SOBP: variants seen among roughly 807,000 people sequenced by gnomAD.
SOBP encodes the protein sine oculis binding protein homolog.
SOBP carries 4 observed loss-of-function variants against 53.6 expected under a neutral mutation model. The observed-to-expected ratio is 0.07, with a 90% CI of 0.04 to 0.17. The LOEUF (loss-of-function observed/expected upper bound fraction) is 0.17. SOBP is among the 10% of genes least tolerant of loss of function. SOBP has a pLI of 1.00. For missense variants in SOBP, 1,088 were observed against 1,204.7 expected (o/e 0.90, Z 1.43); for synonymous variants, 584 against 522.6 (o/e 1.12, Z -1.60).
In SOBP at chr6:107,529,595, C is replaced by T. The variant is rs958070551; in HGVS notation, c.422-3864C>T. The T allele has an allele frequency of 1.2e-5, 12 of 985,306 alleles. No homozygotes were observed. In the African/African-American group the frequency reaches 1.9e-4, roughly 16 times the overall value. The allele number at this position is 985,306 out of a possible 1,614,324, so 61.0% of individuals were successfully genotyped here. On this transcript the variant is annotated intron_variant, in intron 3 of 6. Transcript: ENST00000317357. The stretch of plus-strand genomic sequence containing the variant: ...AGTCCATTAATGCCCTACTGATTTT[C>T]TTTGGGCACTGGTCAGGTAAGTTAG...
At chr6:107,595,601 A>C (rs978759223) in intron 5 of SOBP, among the ~76,000 whole-genome samples, 4 of 152,172 alleles carry the variant, frequency 2.6e-5, no homozygotes, top group African/African-American at 9.7e-5. Flanking sequence ...ATCATATATC[A>C]AGCAAAACCA....
chr6:107,547,520 A>C (rs1784334924), intron 4 of SOBP, among the ~76,000 whole-genome samples: 1 of 152,236 alleles, frequency 6.6e-6, no homozygotes, highest in Non-Finnish European at 1.5e-5. Flanking sequence ...ACAGAGGATT[A>C]AATGTGTTTT....
chr6:107,644,501 G>A (rs796896518), intron 6 of SOBP, among the ~76,000 whole-genome samples: 18 of 152,266 alleles, frequency 1.2e-4, no homozygotes, highest in Admixed American at 3.9e-4. Flanking sequence ...TAGGTAGCCT[G>A]TTTGTGCACT....
chr6:107,583,193 C>A (rs1449427902), intron 4 of SOBP, among the ~76,000 whole-genome samples: 1 of 152,182 alleles, frequency 6.6e-6, no homozygotes, highest in Non-Finnish European at 1.5e-5. Context: ...GTGAATGATC[C>A]AACTCATTCT....
At chr6:107,581,795 A>G (rs545299217) in intron 4 of SOBP, among the ~76,000 whole-genome samples, 2 of 152,330 alleles carry the variant, frequency 1.3e-5, no homozygotes, top group Admixed American at 1.3e-4. Flanking sequence ...TAGTTATAAA[A>G]TATAAAATCA....
Position 107,634,344 on chromosome 6 carries a change from G to T in SOBP, c.1500G>T (p.Pro500=), listed in dbSNP as rs372926482. The T allele has an allele frequency of 4.1e-5, 65 of 1,589,438 alleles. No homozygotes were observed. The highest frequency in any genetic ancestry group is 3.3e-4 in the Middle Eastern group (2 of 6,036). The change falls in exon 6 of 7, where the codon CCG becomes CCT. Residue 500 remains proline (P), a synonymous_variant. Transcript: ENST00000317357. This position sits in a 1 kb window ranked among gnomAD's most constrained non-coding sequence, Gnocchi z 4.5. ...CAGTGAGCATGATGCCAAATGGCCCGATGCCGGTGCCCCAGATGATGAATT... is the reference window on the plus strand; with the variant it reads ...CAGTGAGCATGATGCCAAATGGCCCTATGCCGGTGCCCCAGATGATGAATT... ...FPPVSMMPNG[P]MPVPQMMNFG... is the part of the protein sequence containing the mutation.
At chr6:107,527,192 G>C (rs919232125) in intron 3 of SOBP, among the ~76,000 whole-genome samples, 1 of 152,140 alleles carries the variant, frequency 6.6e-6, no homozygotes, top group Non-Finnish European at 1.5e-5. Context: ...ATCCACCCAT[G>C]TGTGGATAGT....
At chr6:107,645,277 C>T (rs964564072) in intron 6 of SOBP, among the ~76,000 whole-genome samples, 1 of 152,168 alleles carries the variant, frequency 6.6e-6, no homozygotes, top group African/African-American at 2.4e-5. Context: ...AACTTAATAA[C>T]TCCTCATCAT....
intron 3 of SOBP, among the ~76,000 whole-genome samples, chr6:107,528,867 A>G (rs574810518): frequency 1.8e-4 from 28 of 152,314 alleles, no homozygotes; most frequent in Non-Finnish European, 2.5e-4. Context: ...GGTCCTCAGT[A>G]AGGCTCTGAT....
At chr6:107,503,350 A>G (rs1184085827) in intron 1 of SOBP, among the ~76,000 whole-genome samples, 1 of 152,194 alleles carries the variant, frequency 6.6e-6, no homozygotes, top group East Asian at 1.9e-4. Context: ...TTGGATATAG[A>G]TTTTATAGAC....
rs61034738 is a variant in SOBP, at chr6:107,649,163, CAAAAAAAAAAAAA to C, written c.*4-9029_*4-9017del. On this transcript the variant is annotated intron_variant, in intron 6 of 6. Transcript: ENST00000317357. ...CAAGACCTTGCCCCGCCCCCACTAC[CAAAAAAAAAAAAA>C]AAAAAAAAAAAAAACCATCAGGAGC... Among the ~76,000 whole-genome samples the C allele has an allele frequency of 4.9e-3, 200 of 40,426 alleles. 1 individual carries two copies. Among genetic ancestry groups the C allele is most frequent in the African/African-American group, 0.019 (182 of 9,430 alleles). The allele number at this position is 40,426 out of a possible 152,430, so 26.5% of individuals were successfully genotyped here. A position where few individuals can be genotyped will look rare whatever the true frequency, so the allele number is the denominator to read the frequency against.
chr6:107,553,755 G>T (rs1784533229), intron 4 of SOBP, among the ~76,000 whole-genome samples: 1 of 152,116 alleles, frequency 6.6e-6, no homozygotes, highest in Non-Finnish European at 1.5e-5. Context: ...CAAAGTGCTG[G>T]GATTACAGGT....
Position 107,634,123 on chromosome 6 carries a change from T to A in SOBP, c.1279T>A (p.Ser427Thr). The A allele has an allele frequency of 6.2e-7, 1 of 1,608,384 alleles. No individual in the cohort carries two copies. Among genetic ancestry groups the A allele is most frequent in the South Asian group, 1.1e-5 (1 of 89,952 alleles). ...TGCCTCCAACCCCAACAGCCCCCTG[T>A]CCAACCCCATGCTTCCCGGCATCGG... ...HHASNPNSPLSNPMLPGIGPP... is the reference protein window; with the variant it reads ...HHASNPNSPLTNPMLPGIGPP... The change falls in exon 6 of 7, where the codon TCC becomes ACC. Residue 427 changes from serine to threonine, a missense_variant. This residue lies in a region of SOBP where 211 missense variants were observed against 258.9 expected (regional missense o/e 0.82). Coordinates refer to ENST00000317357, the MANE Select transcript of SOBP (RefSeq NM_018013.4). This position sits in a 1 kb window ranked among gnomAD's most constrained non-coding sequence, Gnocchi z 4.5.
intron 5 of SOBP, among the ~76,000 whole-genome samples, chr6:107,605,888 A>G (rs945321071): frequency 4.6e-5 from 7 of 152,216 alleles, no homozygotes; most frequent in Admixed American, 3.9e-4. Flanking sequence ...TCGCTATAGC[A>G]TTCTTGTGCA....
chr6:107,538,754 GA>G (rs1171806024), intron 4 of SOBP, among the ~76,000 whole-genome samples: 2 of 152,176 alleles, frequency 1.3e-5, no homozygotes, highest in Non-Finnish European at 2.9e-5. Context: ...AAGCTCTGGG[GA>G]AAAGAACAAC....
At chr6:107,577,448 G>A (rs983820321) in intron 4 of SOBP, among the ~76,000 whole-genome samples, 2 of 152,190 alleles carry the variant, frequency 1.3e-5, no homozygotes, top group African/African-American at 2.4e-5. Context: ...GGCACATCCA[G>A]GGACTCAGTT....
At position 107,634,147 on chromosome 6, in the gene SOBP, G is replaced by A. The variant is rs1307021878; in HGVS notation, c.1303G>A (p.Gly435Arg). ...PLSNPMLPGIGPPPGGPRNLG... is the reference protein window; with the variant it reads ...PLSNPMLPGIRPPPGGPRNLG... ...GTCCAACCCCATGCTTCCCGGCATC[G>A]GGCCCCCGCCCGGTGGCCCCAGAAA... Residue 435 changes from glycine (G) to arginine (R), a missense_variant, in exon 6 of 7, where the codon GGG becomes AGG. Physicochemically the swap from Gly to Arg is moderately radical, Grantham distance 125. Coordinates refer to ENST00000317357, the MANE Select transcript of SOBP (RefSeq NM_018013.4). The surrounding 1 kb of genome is among the most constrained non-coding windows in gnomAD (Gnocchi z 4.5). 1.9e-6 allele frequency: 3 copies of A among 1,611,350 alleles called. No individual in the cohort carries two copies. The highest frequency in any genetic ancestry group is 2.5e-6 in the Non-Finnish European group (3 of 1,179,142).
chr6:107,513,006 T>C (rs1293091164), intron 3 of SOBP, among the ~76,000 whole-genome samples: 2 of 152,228 alleles, frequency 1.3e-5, no homozygotes, highest in East Asian at 3.8e-4. Flanking sequence ...TGCATTTATG[T>C]GGCAGTCTTG....
At chr6:107,589,987 A>G (rs1785692730) in intron 5 of SOBP, among the ~76,000 whole-genome samples, 1 of 152,222 alleles carries the variant, frequency 6.6e-6, no homozygotes, top group Admixed American at 6.5e-5. Context: ...AGCCTGGAAA[A>G]GGGAACATTT....
Sources: gnomAD v4.1 joint callset for allele counts (sites outside exome capture counted in the v4.1 genomes callset) on GRCh38, gnomAD v4.1.1 for gene constraint, gnomAD v4.1.1 regional missense constraint, Gnocchi (gnomAD v3.1) non-coding constraint, MANE v1.5 for transcripts, NCBI Gene and HGNC (gene_info 2026-07-23, HGNC 2026-07-21) for gene names.